AGBL4: variants seen among roughly 807,000 people sequenced by gnomAD.
AGBL4 encodes cytosolic carboxypeptidase 6.
A neutral mutation model predicts 66.4 loss-of-function variants in AGBL4; 58 were observed. That is an observed-to-expected ratio of 0.87 (90% CI 0.71 to 1.09). AGBL4 has a LOEUF of 1.09. AGBL4 is among the 50% of genes least tolerant of loss of function. AGBL4 has a pLI of 0.00. For missense variants in AGBL4, 579 were observed against 631.0 expected (o/e 0.92, Z 0.88); for synonymous variants, 234 against 222.9 (o/e 1.05, Z -0.44).
rs566033524 is a variant in AGBL4, at chr1:49,053,175, G to T, written c.378-7375C>A. Among the ~76,000 whole-genome samples the T allele has an allele frequency of 1.5e-3, 226 of 152,240 alleles. 1 individual carries two copies. The highest frequency in any genetic ancestry group is 2.7e-3 in the Non-Finnish European group (183 of 68,010). ...TCCAAGTTCACACTAAGTGTGCTTAGGGTTTGAAATGGACAGAGCAAGTCA... is the reference window on the plus strand; with the variant it reads ...TCCAAGTTCACACTAAGTGTGCTTATGGTTTGAAATGGACAGAGCAAGTCA... On this transcript the variant is annotated intron_variant, in intron 4 of 13. Transcript: ENST00000371839.
At chr1:49,003,197 CG>C (rs1232709158) in intron 5 of AGBL4, among the ~76,000 whole-genome samples, 1 of 152,038 alleles carries the variant, frequency 6.6e-6, no homozygotes, top group African/African-American at 2.4e-5. Flanking sequence ...CAAGGGTTCA[CG>C]ACCACCCTGA....
chr1:49,462,020 T>C (rs1054676170), intron 3 of AGBL4, among the ~76,000 whole-genome samples: 1 of 151,786 alleles, frequency 6.6e-6, no homozygotes, highest in Admixed American at 6.6e-5. Context: ...GTATTTCTAG[T>C]TCTAGATCCT....
At chr1:49,070,685 A>C (rs1644584790) in intron 4 of AGBL4, among the ~76,000 whole-genome samples, 1 of 151,940 alleles carries the variant, frequency 6.6e-6, no homozygotes, top group African/African-American at 2.4e-5. Flanking sequence ...ATATTGGCCT[A>C]AAATGTTCTT....
intron 9 of AGBL4, among the ~76,000 whole-genome samples, chr1:48,623,191 G>A (rs1284360834): frequency 6.6e-6 from 1 of 152,220 alleles, no homozygotes; most frequent in Non-Finnish European, 1.5e-5. Context: ...AATCTTTAAT[G>A]GGTAAATGAA....
In AGBL4 at chr1:48,590,995, G is replaced by A. The variant is rs768797415; in HGVS notation, c.952-10C>T. On this transcript the variant is annotated splice_polypyrimidine_tract_variant and intron_variant, in intron 9 of 13. Coordinates refer to ENST00000371839, the MANE Select transcript of AGBL4 (RefSeq NM_032785.4). ...ACTCCAGGCTTGTTTTCTGTTGAGAGAAAGGATAACAAATGAGAAGTCTGG... is the reference window on the plus strand; with the variant it reads ...ACTCCAGGCTTGTTTTCTGTTGAGAAAAAGGATAACAAATGAGAAGTCTGG... 1 of 1,601,556 alleles carries A rather than the reference G, an allele frequency of 6.2e-7. No individual in the cohort carries two copies. Among genetic ancestry groups the A allele is most frequent in the Non-Finnish European group, 8.5e-7 (1 of 1,174,168 alleles).
At chr1:49,741,963 T>G (rs1201168863) in intron 2 of AGBL4, among the ~76,000 whole-genome samples, 2 of 152,038 alleles carry the variant, frequency 1.3e-5, no homozygotes, top group Non-Finnish European at 2.9e-5. Context: ...GGGCAAAAAC[T>G]GGAAGCATTC....
chr1:49,867,065 A>G (rs1200822850), intron 1 of AGBL4, among the ~76,000 whole-genome samples: 1 of 151,992 alleles, frequency 6.6e-6, no homozygotes, highest in Non-Finnish European at 1.5e-5. Context: ...TGCTGCTGAA[A>G]GGCCCCAGTC....
At chr1:48,912,304 A>G (rs973434435) in intron 5 of AGBL4, among the ~76,000 whole-genome samples, 2 of 152,192 alleles carry the variant, frequency 1.3e-5, no homozygotes, top group African/African-American at 4.8e-5. Flanking sequence ...TTGCTTATCT[A>G]TGACAAACAT....
chr1:49,167,946 T>C (rs538287308), intron 4 of AGBL4, among the ~76,000 whole-genome samples: 1 of 152,274 alleles, frequency 6.6e-6, no homozygotes, highest in South Asian at 2.1e-4. Context: ...ACAACAATAA[T>C]ATAATTCTAT....
intron 3 of AGBL4, chr1:49,268,409 AACACACACACAC>A (rs66639251): frequency 0.43 from 57,010 of 132,978 alleles, 14,905 homozygotes; most frequent in Non-Finnish European, 0.58. Context: ...TTTTTTTTTA[AACACACACACAC>A]ACACACACAC....
At chr1:49,766,166 C>CA (rs1487383826) in intron 2 of AGBL4, among the ~76,000 whole-genome samples, 1 of 151,982 alleles carries the variant, frequency 6.6e-6, no homozygotes, top group Non-Finnish European at 1.5e-5. Context: ...AACACTAAAG[C>CA]AAAAATCTTA....
chr1:49,266,219 A>T (rs1000900490), intron 3 of AGBL4: 9 of 152,184 alleles, frequency 5.9e-5, no homozygotes, highest in African/African-American at 2.2e-4. Context: ...TCCCTCACTG[A>T]AAACTTGTGA....
chr1:48,568,977 G>A (rs1644518760), intron 11 of AGBL4, among the ~76,000 whole-genome samples: 1 of 152,222 alleles, frequency 6.6e-6, no homozygotes, highest in Non-Finnish European at 1.5e-5. Context: ...GGAATGCTCA[G>A]AAACTTTTTG....
chr1:49,023,419 C>A (rs938220997), intron 5 of AGBL4, among the ~76,000 whole-genome samples: 1 of 152,116 alleles, frequency 6.6e-6, no homozygotes, highest in Non-Finnish European at 1.5e-5. Flanking sequence ...TTGAGTGAGT[C>A]CCTTGCCCTC....
intron 3 of AGBL4, among the ~76,000 whole-genome samples, chr1:49,582,466 C>A (rs1456149930): frequency 6.6e-6 from 1 of 152,168 alleles, no homozygotes; most frequent in Non-Finnish European, 1.5e-5. Context: ...AACCCAAAAC[C>A]TGGCCATAAG....
chr1:48,935,078 C>A (rs1655339902), intron 5 of AGBL4, among the ~76,000 whole-genome samples: 1 of 152,142 alleles, frequency 6.6e-6, no homozygotes, highest in South Asian at 2.1e-4. Flanking sequence ...TGGTTATAGC[C>A]TGCTGAGCAA....
intron 3 of AGBL4, among the ~76,000 whole-genome samples, chr1:49,549,239 A>G (rs1220277354): frequency 6.8e-6 from 1 of 147,072 alleles, no homozygotes; most frequent in Non-Finnish European, 1.5e-5. Flanking sequence ...TCAAAGAACC[A>G]GCTTTTTATC....
At chr1:49,204,217 A>G (rs1321240472) in intron 4 of AGBL4, among the ~76,000 whole-genome samples, 2 of 152,154 alleles carry the variant, frequency 1.3e-5, no homozygotes, top group Non-Finnish European at 2.9e-5. Context: ...TGTGTAGGCT[A>G]TGTAAAGGAG....
In AGBL4 at chr1:48,533,866, C is replaced by G; in HGVS notation, c.*307G>C. 2.6e-6 allele frequency: 1 copy of G among 389,962 alleles called. No individual in the cohort carries two copies. Among genetic ancestry groups the G allele is most frequent in the Non-Finnish European group, 4.8e-6 (1 of 208,292 alleles). 24.2% of individuals were successfully genotyped at this position (389,962 alleles called of 1,614,324 possible). ...AGAACTGACCTGATATGTGTCAAAT[C>G]TCTTAAAAGGGATGTGTAGGTTTTC... is the stretch of plus-strand genomic sequence containing the variant. On this transcript the variant is annotated 3_prime_UTR_variant, in exon 14 of 14. Coordinates refer to ENST00000371839, the MANE Select transcript of AGBL4 (RefSeq NM_032785.4).
Sources: gnomAD v4.1 joint callset for allele counts (sites outside exome capture counted in the v4.1 genomes callset) on GRCh38, gnomAD v4.1.1 for gene constraint, MANE v1.5 for transcripts, NCBI Gene and HGNC (gene_info 2026-07-23, HGNC 2026-07-21) for gene names.